The following ME3 variants were observed in gnomAD, a reference collection of about 807,000 sequenced individuals.
The protein encoded by ME3 is malic enzyme 3, also known as NADP-dependent malic enzyme, mitochondrial.
Under a neutral mutation model 68.9 loss-of-function variants are expected in ME3, and 48 were observed. The ratio of observed to expected loss-of-function variants is 0.70; its 90% CI spans 0.55 to 0.89. ME3 has a LOEUF of 0.89. Among genes scored for constraint, ME3 ranks in the 40% least tolerant of loss-of-function variants. ME3 has a pLI of 0.00. For missense variants in ME3, 675 were observed against 797.4 expected (o/e 0.85, Z 1.85); for synonymous variants, 320 against 318.8 (o/e 1.00, Z -0.04).
At chr11:86,607,474 A>C in intron 2 of ME3, among the ~76,000 whole-genome samples, 1 of 95,282 alleles carries the variant, frequency 1.0e-5, no homozygotes. Flanking sequence ...TTTTTTTTTT[A>C]AACTTCAGGG....
At chr11:86,472,996 A>G (rs761598524) in intron 7 of ME3, among the ~76,000 whole-genome samples, 94 of 152,224 alleles carry the variant, frequency 6.2e-4, no homozygotes, top group Non-Finnish European at 1.3e-3. Flanking sequence ...TGGGCTATAC[A>G]TGAGGTCAGC....
At chr11:86,608,803 G>C (rs974057956) in intron 2 of ME3, among the ~76,000 whole-genome samples, 6 of 152,202 alleles carry the variant, frequency 3.9e-5, no homozygotes, top group African/African-American at 1.4e-4. Flanking sequence ...TGGTATATCA[G>C]ATAATTAACT....
At chr11:86,599,691 C>G (rs1188812118) in intron 2 of ME3, among the ~76,000 whole-genome samples, 1 of 152,170 alleles carries the variant, frequency 6.6e-6, no homozygotes, top group African/African-American at 2.4e-5. Flanking sequence ...ATGTTAAGGG[C>G]AGCCAGAGAG....
At chr11:86,483,257 T>C (rs967543116) in intron 7 of ME3, among the ~76,000 whole-genome samples, 5 of 152,154 alleles carry the variant, frequency 3.3e-5, no homozygotes, top group South Asian at 4.1e-4. Flanking sequence ...AGAGATGGAA[T>C]GGGAGGAGTC....
At chr11:86,530,665 A>C (rs1955144041) in intron 4 of ME3, among the ~76,000 whole-genome samples, 1 of 152,200 alleles carries the variant, frequency 6.6e-6, no homozygotes, top group Non-Finnish European at 1.5e-5. Context: ...AGACCAATGG[A>C]ACAGAACAGA....
intron 2 of ME3, among the ~76,000 whole-genome samples, chr11:86,641,079 A>G (rs1156905084): frequency 6.6e-6 from 1 of 151,710 alleles, no homozygotes; most frequent in East Asian, 1.9e-4. Flanking sequence ...TAGATCTCAA[A>G]AAAATGAATG....
At chr11:86,628,175 A>G (rs951656655) in intron 2 of ME3, among the ~76,000 whole-genome samples, 1 of 152,218 alleles carries the variant, frequency 6.6e-6, no homozygotes, top group Non-Finnish European at 1.5e-5. Flanking sequence ...TCATAAAATA[A>G]TTACATGCCA....
intron 2 of ME3, among the ~76,000 whole-genome samples, chr11:86,622,303 C>T (rs1943396775): frequency 6.6e-6 from 1 of 151,904 alleles, no homozygotes; most frequent in Non-Finnish European, 1.5e-5. Flanking sequence ...GCCTCCCTAT[C>T]AATGGGAGTC....
intron 7 of ME3, among the ~76,000 whole-genome samples, chr11:86,467,646 G>A (rs1357532736): frequency 2.9e-5 from 4 of 137,710 alleles, no homozygotes; most frequent in African/African-American, 8.2e-5. Context: ...CTCTCTGTGT[G>A]TCTGTCTCTC....
At chr11:86,649,518 C>T (rs560645546) in intron 2 of ME3, among the ~76,000 whole-genome samples, 5 of 152,276 alleles carry the variant, frequency 3.3e-5, no homozygotes, top group South Asian at 2.1e-4. Flanking sequence ...GAGAGGAAGT[C>T]GGATTGTCTC....
intron 2 of ME3, among the ~76,000 whole-genome samples, chr11:86,592,816 A>G (rs1215474059): frequency 2.6e-5 from 4 of 152,160 alleles, no homozygotes; most frequent in African/African-American, 7.2e-5. Context: ...CAAACTTAGC[A>G]AGATTTGGGG....
chr11:86,541,946 C>T (rs540585658), intron 4 of ME3, among the ~76,000 whole-genome samples: 1 of 152,154 alleles, frequency 6.6e-6, no homozygotes, highest in African/African-American at 2.4e-5. Context: ...ATGAAGCTTC[C>T]AGAGAAAGGA....
intron 7 of ME3, among the ~76,000 whole-genome samples, chr11:86,484,367 T>G (rs545609769): frequency 1.3e-5 from 2 of 152,160 alleles, no homozygotes; most frequent in Non-Finnish European, 2.9e-5. Flanking sequence ...CCAAGAGTGC[T>G]TGGGGAGACC....
At chr11:86,626,628 C>G (rs1221112127) in intron 2 of ME3, among the ~76,000 whole-genome samples, 3 of 152,186 alleles carry the variant, frequency 2.0e-5, no homozygotes, top group African/African-American at 7.2e-5. Flanking sequence ...CAGAGACTGT[C>G]AAACATTTTC....
At chr11:86,534,064 G>T (rs1256167045) in intron 4 of ME3, among the ~76,000 whole-genome samples, 1 of 108,508 alleles carries the variant, frequency 9.2e-6, no homozygotes. Context: ...TGGTAAAAAT[G>T]AGGTGTGTGT....
chr11:86,648,268 G>C (rs1945164496), intron 2 of ME3, among the ~76,000 whole-genome samples: 1 of 152,092 alleles, frequency 6.6e-6, no homozygotes, highest in Non-Finnish European at 1.5e-5. Context: ...AGTATTAAGA[G>C]GGGAGTTTAC....
intron 2 of ME3, among the ~76,000 whole-genome samples, chr11:86,618,761 A>C (rs1316830463): frequency 6.8e-6 from 1 of 146,686 alleles, no homozygotes; most frequent in African/African-American, 2.5e-5. Flanking sequence ...TCTGTCACCC[A>C]GGCTGGAGTG....
intron 11 of ME3, 36 bp from the exon 12 acceptor site, chr11:86,447,243 C>T (rs757968662): frequency 2.5e-6 from 4 of 1,605,926 alleles, no homozygotes; most frequent in East Asian, 2.2e-5. Context: ...GATGCCTGCT[C>T]TCTATAAACA....
At chr11:86,630,481 T>C (rs759781875) in intron 2 of ME3, among the ~76,000 whole-genome samples, 2 of 152,258 alleles carry the variant, frequency 1.3e-5, no homozygotes, top group Non-Finnish European at 2.9e-5. Flanking sequence ...AATGTGTTCC[T>C]GGCCTTTTCT....
Sources: gnomAD v4.1 joint callset for allele counts (sites outside exome capture counted in the v4.1 genomes callset) on GRCh38, gnomAD v4.1.1 for gene constraint, MANE v1.5 for transcripts, NCBI Gene and HGNC (gene_info 2026-07-23, HGNC 2026-07-21) for gene names.